The following TOPAZ1 variants were observed in gnomAD, a reference collection of about 807,000 sequenced individuals.
TOPAZ1 encodes the protein testis and ovary specific TOPAZ 1.
TOPAZ1 carries 66 observed loss-of-function variants against 172.2 expected under a neutral mutation model. The observed-to-expected ratio is 0.38, with a 90% CI of 0.31 to 0.47. The LOEUF is 0.47. TOPAZ1 is among the 20% of genes least tolerant of loss of function. The pLI, the probability that TOPAZ1 is intolerant of heterozygous loss-of-function variation, is 0.99. For missense variants in TOPAZ1, 1,822 were observed against 1,972.4 expected, an observed-to-expected ratio of 0.92 and a Z score of 1.44; for synonymous variants, 681 against 683.9, an observed-to-expected ratio of 1.00 and a Z score of 0.07.
intron 12 of TOPAZ1, among the ~76,000 whole-genome samples, chr3:44,301,584 T>G (rs1457960611): frequency 2.0e-5 from 3 of 152,142 alleles, no homozygotes; most frequent in Admixed American, 6.5e-5. Flanking sequence ...TGACAAATGG[T>G]GTTTTAGTTT....
chr3:44,280,272 TTTTCC>T (rs1268373097), intron 8 of TOPAZ1, among the ~76,000 whole-genome samples: 267 of 151,798 alleles, frequency 1.8e-3, no homozygotes, highest in African/African-American at 6.2e-3. Context: ...ATGCTTTTTT[TTTTCC>T]TTTCCTTTCC....
chr3:44,322,561 C>G (rs1043126824), intron 17 of TOPAZ1, among the ~76,000 whole-genome samples: 1 of 152,088 alleles, frequency 6.6e-6, no homozygotes, highest in Admixed American at 6.6e-5. Context: ...TCGTTTCTGA[C>G]TTAGAGAATA....
intron 16 of TOPAZ1, among the ~76,000 whole-genome samples, chr3:44,318,384 G>A (rs1309529936): frequency 4.6e-5 from 7 of 151,756 alleles, no homozygotes; most frequent in Non-Finnish European, 7.4e-5. Flanking sequence ...CCCGGGAGGC[G>A]GAGGTTGCAG....
chr3:44,287,857 C>G lies in TOPAZ1; in HGVS notation c.3681+18C>G. 1 of 1,211,200 alleles carries G rather than the reference C, an allele frequency of 8.3e-7. No individual in the cohort carries two copies. The highest frequency in any genetic ancestry group is 1.2e-6 in the Non-Finnish European group (1 of 861,978). The allele number at this position is 1,211,200 out of a possible 1,614,324, so 75.0% of individuals were successfully genotyped here. On this transcript the variant is annotated intron_variant, in intron 11 of 19. Coordinates refer to ENST00000309765, the MANE Select transcript of TOPAZ1 (RefSeq NM_001145030.2). ...TTTGCAAGGTATGGTTTTATTTTCTCTTTTATTCTCTGATGGCGAGTAACC... is the reference window on the plus strand; with the variant it reads ...TTTGCAAGGTATGGTTTTATTTTCTGTTTTATTCTCTGATGGCGAGTAACC...
At chr3:44,291,812 G>A (rs984412136) in intron 12 of TOPAZ1, among the ~76,000 whole-genome samples, 3 of 152,078 alleles carry the variant, frequency 2.0e-5, no homozygotes, top group African/African-American at 7.2e-5. Context: ...ATCAACTACT[G>A]AAATCCTTCA....
At chr3:44,256,731 G>A (rs1010755401) in intron 4 of TOPAZ1, among the ~76,000 whole-genome samples, 2 of 152,042 alleles carry the variant, frequency 1.3e-5, no homozygotes, top group Non-Finnish European at 2.9e-5. Context: ...TAATACCATG[G>A]TAGGCTTCAA....
At chr3:44,253,034 A>G (rs1699652794) in intron 2 of TOPAZ1, among the ~76,000 whole-genome samples, 1 of 152,186 alleles carries the variant, frequency 6.6e-6, no homozygotes, top group Non-Finnish European at 1.5e-5. Flanking sequence ...GAAAATTGAG[A>G]CACCAAAATA....
chr3:44,332,829 G>A (rs1017429072), downstream of TOPAZ1, among the ~76,000 whole-genome samples: 1 of 149,492 alleles, frequency 6.7e-6, no homozygotes, highest in Non-Finnish European at 1.5e-5. Context: ...AGAAAGGGTC[G>A]TACTCTGTGC....
Position 44,332,086 on chromosome 3 carries a change from A to C in TOPAZ1, c.*75A>C. On this transcript the variant is annotated 3_prime_UTR_variant, in exon 20 of 20. Coordinates refer to ENST00000309765, the MANE Select transcript of TOPAZ1 (RefSeq NM_001145030.2). Reference sequence around the variant, plus strand: ...AAAATAAAAGGCAATAAAAATAGACAGTTTTCACTATATTCAGCTCTTTGA... The same window carrying C: ...AAAATAAAAGGCAATAAAAATAGACCGTTTTCACTATATTCAGCTCTTTGA... 4 of 1,028,610 alleles carry C rather than the reference A, an allele frequency of 3.9e-6. No individual in the cohort carries two copies. Among genetic ancestry groups the C allele is most frequent in the Non-Finnish European group, 5.6e-6 (4 of 709,930 alleles). The allele number at this position is 1,028,610 out of a possible 1,614,324, so 63.7% of individuals were successfully genotyped here.
At chr3:44,286,101 G>C (rs1040476542) in intron 9 of TOPAZ1, among the ~76,000 whole-genome samples, 6 of 151,860 alleles carry the variant, frequency 4.0e-5, no homozygotes, top group African/African-American at 1.5e-4. Context: ...TGTAATCCCA[G>C]CTACTCTGGA....
chr3:44,264,664 G>A (rs753478064), intron 5 of TOPAZ1, among the ~76,000 whole-genome samples: 23 of 152,178 alleles, frequency 1.5e-4, no homozygotes, highest in Admixed American at 7.9e-4. Flanking sequence ...AGCATGTGAT[G>A]CTGTTTGATA....
In TOPAZ1 at chr3:44,243,863, A is replaced by G. The variant is rs980376208; in HGVS notation, c.1357A>G (p.Ile453Val). Residue 453 changes from isoleucine to valine, a missense_variant, in exon 2 of 20, where the codon ATA becomes GTA. Around this residue, in one of 2 missense-constraint regions of TOPAZ1, gnomAD observed 1,489 missense variants for 1,490.8 expected, o/e 1.00. Coordinates refer to ENST00000309765, the MANE Select transcript of TOPAZ1 (RefSeq NM_001145030.2). ...GGATTTTAAATCGATGAAAAGCTTCATAGGGAAATCACCTAATGAGTACCA... is the reference window on the plus strand; with the variant it reads ...GGATTTTAAATCGATGAAAAGCTTCGTAGGGAAATCACCTAATGAGTACCA... ...KEDFKSMKSFIGKSPNEYHIE... is the reference protein window; with the variant it reads ...KEDFKSMKSFVGKSPNEYHIE... 2.3e-5 allele frequency: 36 copies of G among 1,551,848 alleles called. No individual in the cohort carries two copies. The highest frequency in any genetic ancestry group is 3.1e-5 in the Non-Finnish European group (35 of 1,147,000).
At chr3:44,317,391 A>G (rs182345717) in intron 16 of TOPAZ1, among the ~76,000 whole-genome samples, 14 of 152,368 alleles carry the variant, frequency 9.2e-5, no homozygotes, top group Middle Eastern at 3.4e-3. Flanking sequence ...ACTGCACTTC[A>G]GCCTGGGCAA....
chr3:44,257,346 CAT>C (rs1699717976), intron 4 of TOPAZ1, among the ~76,000 whole-genome samples: 1 of 113,662 alleles, frequency 8.8e-6, no homozygotes, highest in South Asian at 2.9e-4. Flanking sequence ...AAAAAGAAAA[CAT>C]AGGGGTGTGT....
rs1284273637 is a variant in TOPAZ1 at position 44,256,295 on chromosome 3, T to A, written c.2955+17T>A. 19 of 1,508,016 alleles carry A rather than the reference T, an allele frequency of 1.3e-5. No homozygotes were observed. Among genetic ancestry groups the A allele is most frequent in the East Asian group, 2.6e-5 (1 of 38,874 alleles). 93.4% of individuals were successfully genotyped at this position (1,508,016 alleles called of 1,614,324 possible). A position where few individuals can be genotyped will look rare whatever the true frequency, so the allele number is the denominator to read the frequency against. ...GATGAAAAGGTACTAGGGGATCTTT[T>A]GTGTTTTTTTATTTCTTGGTCTTAA... On this transcript the variant is annotated intron_variant, in intron 4 of 19. Transcript: ENST00000309765.
At chr3:44,329,184 A>T (rs1700636379) in intron 19 of TOPAZ1, among the ~76,000 whole-genome samples, 1 of 152,228 alleles carries the variant, frequency 6.6e-6, no homozygotes, top group African/African-American at 2.4e-5. Flanking sequence ...TAATGGCTTA[A>T]AACAGAAAAT....
chr3:44,268,956 T>G (rs1338345191), intron 6 of TOPAZ1, among the ~76,000 whole-genome samples: 1 of 152,192 alleles, frequency 6.6e-6, no homozygotes, highest in Non-Finnish European at 1.5e-5. Context: ...AATGCTGCTA[T>G]GTGAGGTTTT....
chr3:44,264,813 A>G (rs1293148865), intron 5 of TOPAZ1, among the ~76,000 whole-genome samples: 2 of 152,226 alleles, frequency 1.3e-5, no homozygotes, highest in African/African-American at 2.4e-5. Context: ...CATCAGGAGT[A>G]GATTTCATCT....
chr3:44,282,028 G>C lies in TOPAZ1; in HGVS notation c.3433G>C (p.Ala1145Pro). 1 of 1,533,298 alleles carries C rather than the reference G, an allele frequency of 6.5e-7. No individual in the cohort carries two copies. The highest frequency in any genetic ancestry group is 8.8e-7 in the Non-Finnish European group (1 of 1,132,756). The allele number at this position is 1,533,298 out of a possible 1,614,324, so 95.0% of individuals were successfully genotyped here. A position where few individuals can be genotyped will look rare whatever the true frequency, so the allele number is the denominator to read the frequency against. The change falls in exon 9 of 20, where the codon GCA becomes CCA. Residue 1145 changes from alanine to proline, a missense_variant. Transcript: ENST00000309765. ...NINELCLLQR[A>P]VNIFMEYYRK... Reference sequence around the variant, plus strand: ...CAATGAACTGTGTTTGCTACAGCGTGCAGGTATGAAACAATTAAATAATTA... The same window carrying C: ...CAATGAACTGTGTTTGCTACAGCGTCCAGGTATGAAACAATTAAATAATTA...
Sources: allele counts gnomAD v4.1 joint callset (sites outside exome capture counted in the v4.1 genomes callset), GRCh38; gene constraint gnomAD v4.1.1; regional missense constraint gnomAD v4.1.1; transcripts MANE v1.5; gene names NCBI Gene and HGNC (gene_info 2026-07-23, HGNC 2026-07-21).